The following ZFYVE28 variants were observed in gnomAD, a reference collection of about 807,000 sequenced individuals.
The protein encoded by ZFYVE28 is lateral signaling target protein 2 homolog.
Under a neutral mutation model 82.1 loss-of-function variants are expected in ZFYVE28, and 40 were observed. That is an observed-to-expected ratio of 0.49 (90% CI 0.38 to 0.63). ZFYVE28 has a LOEUF of 0.63. Ranked by LOEUF, ZFYVE28 falls within the 30% of genes least tolerant of loss-of-function variation. ZFYVE28 has a pLI of 0.00. For missense variants in ZFYVE28, 1,321 were observed against 1,242.1 expected, an observed-to-expected ratio of 1.06 and a Z score of -0.96; for synonymous variants, 612 against 546.1, an observed-to-expected ratio of 1.12 and a Z score of -1.68.
chr4:2,294,962 T>TA (rs11392933), intron 8 of ZFYVE28, among the ~76,000 whole-genome samples: 90,598 of 149,378 alleles, frequency 0.61, 27,890 homozygotes, highest in African/African-American at 0.7. Flanking sequence ...AAAAATTACT[T>TA]AAAAAAAAAA....
At chr4:2,301,614 G>A (rs1236962378) in intron 8 of ZFYVE28, among the ~76,000 whole-genome samples, 2 of 152,128 alleles carry the variant, frequency 1.3e-5, no homozygotes, top group Non-Finnish European at 2.9e-5. Flanking sequence ...GAAGGTGGGA[G>A]GAGCTTCTGG....
chr4:2,395,361 C>T (rs757806936), intron 1 of ZFYVE28, among the ~76,000 whole-genome samples: 6 of 152,248 alleles, frequency 3.9e-5, no homozygotes, highest in Admixed American at 6.5e-5. Flanking sequence ...CAAGAGCAGG[C>T]GAGCATGCAA....
At chr4:2,274,302 CTG>C (rs1736198757) in intron 8 of ZFYVE28, 86 bp from the exon 9 acceptor site, 3 of 1,500,000 alleles carry the variant, frequency 2.0e-6, no homozygotes, top group African/African-American at 2.8e-5. Context: ...AGACAAAAGT[CTG>C]TGTCCTCGCA....
chr4:2,411,918 G>T (rs1159281395), intron 1 of ZFYVE28, among the ~76,000 whole-genome samples: 1 of 152,218 alleles, frequency 6.6e-6, no homozygotes. Context: ...CAGCATGAGA[G>T]GTTTGGGGGC....
rs900366018 is a variant in ZFYVE28, at chr4:2,341,790, C to G, written c.181-175G>C. Among the ~76,000 whole-genome samples the G allele has an allele frequency of 2.6e-5, 4 of 152,140 alleles. No homozygotes were observed. The highest frequency in any genetic ancestry group is 9.7e-5 in the African/African-American group (4 of 41,430). On this transcript the variant is annotated intron_variant, in intron 2 of 12. Coordinates refer to ENST00000290974, the MANE Select transcript of ZFYVE28 (RefSeq NM_020972.3). The surrounding 1 kb of genome is among the most constrained non-coding windows in gnomAD (Gnocchi z 4.5). ...ATGCCAGCACTTTGGGAGGCCGAGG[C>G]GGGTGGTTTACCTGAGGTTAGGAGT...
intron 1 of ZFYVE28, among the ~76,000 whole-genome samples, chr4:2,385,900 G>A (rs1729209764): frequency 6.6e-6 from 1 of 152,226 alleles, no homozygotes; most frequent in African/African-American, 2.4e-5. Flanking sequence ...GACTTTGTCA[G>A]TGGGTCCTGA....
chr4:2,303,906 C>T (rs1260127687), intron 8 of ZFYVE28, among the ~76,000 whole-genome samples: 3 of 152,230 alleles, frequency 2.0e-5, no homozygotes, highest in South Asian at 4.1e-4. Flanking sequence ...AGGGGCCCGG[C>T]GCTGGCACAG....
rs78165719 is a variant in ZFYVE28, at chr4:2,331,719, C to T, written c.701+3986G>A. On this transcript the variant is annotated intron_variant, in intron 6 of 12. Coordinates refer to ENST00000290974, the MANE Select transcript of ZFYVE28 (RefSeq NM_020972.3). The stretch of plus-strand genomic sequence containing the variant: ...TCCCCTACGGCTCAGAGCAAGTCCC[C>T]ACAGGGGTGACCCCCAGTTTTTGTC... Among the ~76,000 whole-genome samples, 19 of 152,252 alleles carry T rather than the reference C, an allele frequency of 1.2e-4. No individual in the cohort carries two copies. The East Asian group carries it at 3.5e-3, about 28-fold the overall frequency.
At chr4:2,328,840 T>G in intron 6 of ZFYVE28, 2 of 340,776 alleles carry the variant, frequency 5.9e-6, no homozygotes, top group East Asian at 4.3e-5. Flanking sequence ...TTCTTTTGCA[T>G]GTGGTTATCC....
chr4:2,378,639 G>A (rs1266690946), intron 1 of ZFYVE28, among the ~76,000 whole-genome samples: 2 of 152,058 alleles, frequency 1.3e-5, no homozygotes, highest in Admixed American at 1.3e-4. Context: ...TCCCGGCTGG[G>A]GCTGGTCCTC....
At chr4:2,374,513 T>C (rs144439265) in intron 1 of ZFYVE28, among the ~76,000 whole-genome samples, 37 of 152,120 alleles carry the variant, frequency 2.4e-4, no homozygotes, top group African/African-American at 8.0e-4. Flanking sequence ...CTAGGGAGGC[T>C]GAGGTGGGAG....
intron 8 of ZFYVE28, among the ~76,000 whole-genome samples, chr4:2,277,328 A>G (rs1444413626): frequency 6.6e-6 from 1 of 151,992 alleles, no homozygotes; most frequent in Non-Finnish European, 1.5e-5. Flanking sequence ...AAAATACAAA[A>G]AATTAGCCGG....
intron 8 of ZFYVE28, among the ~76,000 whole-genome samples, chr4:2,301,285 C>T (rs1250281351): frequency 1.3e-5 from 2 of 152,186 alleles, no homozygotes; most frequent in Admixed American, 6.5e-5. Flanking sequence ...CGGTGCACAC[C>T]GCCTGTGCCT....
At chr4:2,327,482 A>G (rs1720061750) in intron 6 of ZFYVE28, among the ~76,000 whole-genome samples, 1 of 151,424 alleles carries the variant, frequency 6.6e-6, no homozygotes, top group African/African-American at 2.4e-5. Flanking sequence ...AAGGCTTTCA[A>G]TTTTTTACCA....
At chr4:2,288,063 C>G (rs959314129) in intron 8 of ZFYVE28, among the ~76,000 whole-genome samples, 2 of 152,130 alleles carry the variant, frequency 1.3e-5, no homozygotes, top group African/African-American at 4.8e-5. Flanking sequence ...CAGTGGGCCT[C>G]GGAAGGCAGA....
intron 1 of ZFYVE28, among the ~76,000 whole-genome samples, chr4:2,383,342 G>T (rs969448016): frequency 2.6e-5 from 4 of 152,022 alleles, no homozygotes; most frequent in African/African-American, 9.7e-5. Context: ...GTTTTATCAG[G>T]GGTTTTCACT....
chr4:2,365,075 A>G (rs1385299020), intron 1 of ZFYVE28, among the ~76,000 whole-genome samples: 1 of 147,718 alleles, frequency 6.8e-6, no homozygotes, highest in Non-Finnish European at 1.5e-5. Context: ...CGAGCAGTGG[A>G]GCTGGGCCAC....
At position 2,269,699 on chromosome 4, in the gene ZFYVE28, C is replaced by T. The variant is rs1735758682; in HGVS notation, c.*1026G>A. 1 of 152,172 alleles carries T rather than the reference C, an allele frequency of 6.6e-6. No homozygotes were observed. Among genetic ancestry groups the T allele is most frequent in the Non-Finnish European group, 1.5e-5 (1 of 68,032 alleles). The allele number at this position is 152,172 out of a possible 1,614,324, so 9.4% of individuals were successfully genotyped here. A position where few individuals can be genotyped will look rare whatever the true frequency, so the allele number is the denominator to read the frequency against. ...ATTTCCTCCATTATATACTCTCCCC[C>T]CGACAGAAGCCGTTTCTATGCATAT... On this transcript the variant is annotated 3_prime_UTR_variant, in exon 13 of 13. Transcript: ENST00000290974.
At position 2,270,723 on chromosome 4, in the gene ZFYVE28, C is replaced by A. The variant is rs139464255; in HGVS notation, c.*2G>T. 1.9e-6 allele frequency: 3 copies of A among 1,612,954 alleles called. No homozygotes were observed. In the East Asian group the frequency reaches 6.7e-5, roughly 36 times the overall value. On this transcript the variant is annotated 3_prime_UTR_variant, in exon 13 of 13. Coordinates refer to ENST00000290974, the MANE Select transcript of ZFYVE28 (RefSeq NM_020972.3). Reference sequence around the variant, plus strand: ...TGGGTTGGGGCTGCCCCTGGCACCACGTCACAGGCCGGCCTTGTCGCTGTA... The same window carrying A: ...TGGGTTGGGGCTGCCCCTGGCACCAAGTCACAGGCCGGCCTTGTCGCTGTA...
Sources: gnomAD v4.1 joint callset for allele counts (sites outside exome capture counted in the v4.1 genomes callset) on GRCh38, gnomAD v4.1.1 for gene constraint, Gnocchi (gnomAD v3.1) non-coding constraint, MANE v1.5 for transcripts, NCBI Gene and HGNC (gene_info 2026-07-23, HGNC 2026-07-21) for gene names.